Variants in ACTR3C observed in about 807,000 individuals in gnomAD.
ACTR3C encodes actin related protein 3C, also known as actin-related protein 3C.
In ACTR3C, 18 loss-of-function variants were observed where a neutral mutation model predicts 26.3. The ratio of observed to expected loss-of-function variants is 0.68; its 90% CI spans 0.47 to 1.01. ACTR3C has a LOEUF of 1.01. ACTR3C is among the 50% of genes least tolerant of loss of function. ACTR3C has a pLI of 0.00. For missense variants in ACTR3C, 184 were observed against 250.7 expected (o/e 0.73, Z 1.80); for synonymous variants, 55 against 94.5 (o/e 0.58, Z 2.42).
the ACTR3C span, among the ~76,000 whole-genome samples, chr7:150,088,155 G>A: frequency 6.6e-6 from 1 of 152,176 alleles, no homozygotes; most frequent in Non-Finnish European, 1.5e-5. Context: ...CCTTAATGGT[G>A]TTTGATGCAC....
the ACTR3C span, among the ~76,000 whole-genome samples, chr7:150,149,391 A>C: frequency 6.6e-6 from 1 of 151,808 alleles, no homozygotes; most frequent in Non-Finnish European, 1.5e-5. Context: ...CGTGTGCACA[A>C]CGTGCAGGTT....
chr7:150,117,760 G>A, the ACTR3C span, among the ~76,000 whole-genome samples: 4 of 152,196 alleles, frequency 2.6e-5, no homozygotes, highest in Non-Finnish European at 5.9e-5. Context: ...TCCTCAAGTG[G>A]GTCCCTCACC....
chr7:149,957,303 G>A, the ACTR3C span, among the ~76,000 whole-genome samples: 3 of 152,170 alleles, frequency 2.0e-5, no homozygotes, highest in Admixed American at 6.5e-5. Context: ...GACCCACTGC[G>A]ATGGCTAATT....
chr7:150,029,397 C>CAAAAAAAAAAAAAAA, the ACTR3C span, among the ~76,000 whole-genome samples: 2 of 35,414 alleles, frequency 5.6e-5, 1 homozygote. Context: ...CAATCTTTAT[C>CAAAAAAAAAAAAAAA]AAAAACAAAA....
At chr7:150,034,724 C>G in the ACTR3C span, among the ~76,000 whole-genome samples, 101 of 151,460 alleles carry the variant, frequency 6.7e-4, no homozygotes, top group African/African-American at 2.3e-3. Flanking sequence ...TACCCACAGT[C>G]CTCCAGGTGG....
At chr7:149,913,159 CAGG>C in the ACTR3C span, among the ~76,000 whole-genome samples, 4 of 152,126 alleles carry the variant, frequency 2.6e-5, no homozygotes, top group South Asian at 2.1e-4. Flanking sequence ...AATTCTTTCC[CAGG>C]AGGAGAACTC....
intron 6 of ACTR3C, among the ~76,000 whole-genome samples, chr7:150,260,425 T>C (rs1465034470): frequency 2.0e-5 from 3 of 152,196 alleles, no homozygotes; most frequent in South Asian, 4.1e-4. Context: ...GAGTAGATAG[T>C]TTCTTTACCT....
At chr7:149,974,365 T>C in the ACTR3C span, among the ~76,000 whole-genome samples, 2 of 150,896 alleles carry the variant, frequency 1.3e-5, no homozygotes, top group Non-Finnish European at 2.9e-5. Context: ...TAACTTAGGT[T>C]TATTTTATAT....
chr7:149,992,132 G>A, the ACTR3C span, among the ~76,000 whole-genome samples: 4 of 152,326 alleles, frequency 2.6e-5, no homozygotes, highest in East Asian at 7.7e-4. Context: ...TTGGCTGTTT[G>A]TTATGCAAAG....
At chr7:149,883,339 C>T in the ACTR3C span, among the ~76,000 whole-genome samples, 2 of 152,142 alleles carry the variant, frequency 1.3e-5, no homozygotes, top group Non-Finnish European at 1.5e-5. Context: ...CCCGTGCCCC[C>T]AACACCATCC....
chr7:150,039,751 C>A, the ACTR3C span, among the ~76,000 whole-genome samples: 2 of 143,198 alleles, frequency 1.4e-5, no homozygotes, highest in African/African-American at 5.0e-5. Flanking sequence ...GTGCCTCCCC[C>A]TCCTGCGATG....
the ACTR3C span, among the ~76,000 whole-genome samples, chr7:150,081,237 T>G: frequency 3.3e-5 from 4 of 121,050 alleles, no homozygotes; most frequent in African/African-American, 6.4e-5. Flanking sequence ...GAGGAAGAAA[T>G]AGAGAGATAA....
At chr7:150,321,553 A>T (rs1371490933) in intron 1 of ACTR3C, among the ~76,000 whole-genome samples, 1 of 152,172 alleles carries the variant, frequency 6.6e-6, no homozygotes, top group Non-Finnish European at 1.5e-5. Flanking sequence ...CACCCTGGCC[A>T]ATATGGCGAA....
At chr7:149,940,541 C>G in the ACTR3C span, among the ~76,000 whole-genome samples, 1 of 152,138 alleles carries the variant, frequency 6.6e-6, no homozygotes, top group African/African-American at 2.4e-5. Context: ...CTGGTCAGGG[C>G]TGCCCCTATA....
chr7:149,957,305 T>C, the ACTR3C span, among the ~76,000 whole-genome samples: 1 of 152,218 alleles, frequency 6.6e-6, no homozygotes, highest in Non-Finnish European at 1.5e-5. Context: ...CCCACTGCGA[T>C]GGCTAATTTC....
chr7:150,228,347 G>A, the ACTR3C span, among the ~76,000 whole-genome samples: 1 of 152,202 alleles, frequency 6.6e-6, no homozygotes, highest in Admixed American at 6.5e-5. Flanking sequence ...TCCATATTGT[G>A]GTAGGGTTAA....
At chr7:150,159,882 G>T in the ACTR3C span, among the ~76,000 whole-genome samples, 2 of 152,112 alleles carry the variant, frequency 1.3e-5, no homozygotes, top group African/African-American at 4.8e-5. Context: ...TCGGCTCACC[G>T]CAACCTCCAC....
the ACTR3C span, among the ~76,000 whole-genome samples, chr7:149,914,323 G>A: frequency 6.6e-6 from 1 of 152,026 alleles, no homozygotes; most frequent in Non-Finnish European, 1.5e-5. Context: ...CAGGCACAGT[G>A]GCTCACACCT....
At chr7:149,994,434 C>A in the ACTR3C span, among the ~76,000 whole-genome samples, 32 of 151,842 alleles carry the variant, frequency 2.1e-4, no homozygotes, top group Non-Finnish European at 3.8e-4. Context: ...CCCATCTCTA[C>A]AAAAATACAA....
Sources: allele counts gnomAD v4.1 joint callset (sites outside exome capture counted in the v4.1 genomes callset), GRCh38; gene constraint gnomAD v4.1.1; transcripts MANE v1.5; gene names NCBI Gene and HGNC (gene_info 2026-07-23, HGNC 2026-07-21).